CALCA: variants seen among roughly 807,000 people sequenced by gnomAD.
CALCA encodes the protein calcitonin.
Under a neutral mutation model 6.9 loss-of-function variants are expected in CALCA, and 4 were observed. That is an observed-to-expected ratio of 0.58 (90% CI 0.29 to 1.33). The LOEUF is 1.33. Among genes scored for constraint, CALCA ranks in the 40% most tolerant of loss-of-function variants. The pLI, the probability that CALCA is intolerant of heterozygous loss-of-function variation, is 0.09. For synonymous variants in CALCA, 78 were observed against 70.0 expected (o/e 1.11, Z -0.57); for missense variants, 174 against 178.3 (o/e 0.98, Z 0.14).
At chr11:14,971,990 A>G (rs1272860388) in intron 1 of CALCA, among the ~76,000 whole-genome samples, 1 of 152,098 alleles carries the variant, frequency 6.6e-6, no homozygotes, top group Non-Finnish European at 1.5e-5. Flanking sequence ...GAGTGTCCCG[A>G]GACTGGCCTA....
At chr11:14,970,670 C>T (rs919529674) in intron 2 of CALCA, among the ~76,000 whole-genome samples, 26 of 152,086 alleles carry the variant, frequency 1.7e-4, no homozygotes, top group Non-Finnish European at 7.4e-5. Context: ...GAGGCTGAGG[C>T]AGGTGGATCA....
chr11:14,970,072 A>G lies in CALCA; in HGVS notation c.90T>C (p.Ser30=), dbSNP rs528241428. The G allele has an allele frequency of 1.4e-5, 22 of 1,614,216 alleles. No individual in the cohort carries two copies. Among genetic ancestry groups the G allele is most frequent in the Non-Finnish European group, 1.9e-5 (22 of 1,180,026 alleles). ...GGTCTGCTGGGCTGCTCTCCAGGGC[A>G]GACCTGTGGAGGGGAAGCAAACTCA... ...AGSLHAAPFR[S]ALESSPADPA... Residue 30 remains serine (S), a synonymous_variant, in exon 3 of 4, where the codon TCT becomes TCC. Coordinates refer to ENST00000331587, the MANE Select transcript of CALCA (RefSeq NM_001741.3).
chr11:14,968,011 C>G, downstream of CALCA: 1 of 866,442 alleles, frequency 1.2e-6, no homozygotes, highest in Non-Finnish European at 1.8e-6. Flanking sequence ...CAGAAAATCA[C>G]AAGGCCATTA....
chr11:14,967,010 T>A (rs1849471695), downstream of CALCA: 1 of 152,754 alleles, frequency 6.5e-6, no homozygotes, highest in Admixed American at 6.5e-5. Flanking sequence ...GTTTTCAGTA[T>A]CAAGAAGGAT....
Position 14,970,332 on chromosome 11 carries a change from G to A in CALCA, c.87-257C>T, listed in dbSNP as rs898073768. 2.0e-5 allele frequency among the ~76,000 whole-genome samples: 3 copies of A among 152,250 alleles called. No homozygotes were observed. In the South Asian group the frequency reaches 6.2e-4, roughly 31 times the overall value. On this transcript the variant is annotated intron_variant, in intron 2 of 3. Transcript: ENST00000331587. ...AATTTTCAAGAATTTTGCAAGCTGA[G>A]TGCAGCCATTATTAAAAATTAAATG...
At chr11:14,969,131 C>T in intron 3 of CALCA, 134 bp from the exon 4 acceptor site, 1 of 783,234 alleles carries the variant, frequency 1.3e-6, no homozygotes, top group Non-Finnish European at 2.2e-6. Flanking sequence ...ACTTATCTAT[C>T]CTTCATTAGG....
At chr11:14,971,302 T>C in intron 1 of CALCA, 101 bp from the exon 2 acceptor site, 1 of 802,922 alleles carries the variant, frequency 1.2e-6, no homozygotes, top group Non-Finnish European at 2.2e-6. Flanking sequence ...CTTCTAACGC[T>C]CTGGCTTTGT....
intron 3 of CALCA, 96 bp from the exon 4 acceptor site, chr11:14,969,093 G>T: frequency 1.8e-6 from 2 of 1,087,882 alleles, no homozygotes; most frequent in Non-Finnish European, 2.8e-6. Context: ...GACCCTGGGA[G>T]CAGGAGGGGC....
At chr11:14,967,867 A>G, downstream of CALCA, 1 of 1,614,164 alleles carries the variant, frequency 6.2e-7, no homozygotes, top group Non-Finnish European at 8.5e-7. Flanking sequence ...GATTTGCAGG[A>G]TGGAGAAAGA....
At position 14,968,853 on chromosome 11, in the gene CALCA, G is replaced by A. The variant is rs543441811; in HGVS notation, c.372C>T (p.Ser124=). The A allele has an allele frequency of 3.1e-6, 5 of 1,614,016 alleles. No individual in the cohort carries two copies. Among genetic ancestry groups the A allele is most frequent in the Middle Eastern group, 1.6e-4 (1 of 6,082 alleles). ...GAGGGCGATGGTCTCTCTCCAAGTC[G>A]CTGGACATATCCCTTTTCTTTCCAG... ...GAPGKKRDMS[S]DLERDHRPHV... is the part of the protein sequence containing the mutation. The change falls in exon 4 of 4, where the codon AGC becomes AGT. Residue 124 remains serine, a synonymous_variant. Transcript: ENST00000331587.
Position 14,971,565 on chromosome 11 carries a change from A to G in CALCA, c.-9-364T>C, listed in dbSNP as rs564582483. ...CCCCTGTCACAGAAGCTGATCCCAT[A>G]AGGAAACCCAGAGCTGTCCTCCTCT... is the stretch of plus-strand genomic sequence containing the variant. On this transcript the variant is annotated intron_variant, in intron 1 of 3. Transcript: ENST00000331587. 3.9e-5 allele frequency among the ~76,000 whole-genome samples: 6 copies of G among 152,194 alleles called. 1 individual carries two copies. Among genetic ancestry groups the G allele is most frequent in the African/African-American group, 1.4e-4 (6 of 41,520 alleles).
Position 14,970,036 on chromosome 11 carries a change from G to A in CALCA, c.126C>T (p.Leu42=). 1 of 1,614,228 alleles carries A rather than the reference G, an allele frequency of 6.2e-7. No homozygotes were observed. The highest frequency in any genetic ancestry group is 2.2e-5 in the East Asian group (1 of 44,878). The part of the protein sequence containing the change: ...LESSPADPAT[L]SEDEARLLLA... ...GCAGGAGGCGCGCTTCGTCCTCACT[G>A]AGCGTGGCCGGGTCTGCTGGGCTGC... is the stretch of plus-strand genomic sequence containing the variant. Residue 42 remains leucine (L), a synonymous_variant, in exon 3 of 4, where the codon CTC becomes CTT. Coordinates refer to ENST00000331587, the MANE Select transcript of CALCA (RefSeq NM_001741.3).
downstream of CALCA, chr11:14,966,920 T>A (rs1682088333): frequency 6.6e-6 from 1 of 152,622 alleles, no homozygotes; most frequent in African/African-American, 2.4e-5. Flanking sequence ...CATAATCAAG[T>A]ATTTAAAAAG....
At position 14,968,767 on chromosome 11, in the gene CALCA, A is replaced by G. The variant is rs2644688; in HGVS notation, c.*32T>C. 3.7e-6 allele frequency: 6 copies of G among 1,613,874 alleles called. No homozygotes were observed. Among genetic ancestry groups the G allele is most frequent in the Non-Finnish European group, 5.1e-6 (6 of 1,179,896 alleles). ...ATGCATCAAGTTATAGGAAGGATGC[A>G]AGAAGGGAAATTAGGAAGGAAAGGG... is the stretch of plus-strand genomic sequence containing the variant. On this transcript the variant is annotated 3_prime_UTR_variant, in exon 4 of 4. Coordinates refer to ENST00000331587, the MANE Select transcript of CALCA (RefSeq NM_001741.3).
intron 3 of CALCA, 30 bp downstream of exon 3, chr11:14,969,905 G>A: frequency 1.2e-6 from 2 of 1,612,210 alleles, no homozygotes; most frequent in African/African-American, 1.3e-5. Context: ...GGGAGAGGAG[G>A]CCCTGTGCTG....
At chr11:14,968,040 C>T (rs1354985276), downstream of CALCA, 2 of 712,836 alleles carry the variant, frequency 2.8e-6, no homozygotes, top group Non-Finnish European at 4.8e-6. Context: ...GCCATGATCA[C>T]TCCCCATAGA....
Position 14,968,591 on chromosome 11 carries a change from C to G in CALCA, c.*208G>C. The G allele has an allele frequency of 6.8e-7, 1 of 1,466,446 alleles. No individual in the cohort carries two copies. The highest frequency in any genetic ancestry group is 1.4e-5 in the South Asian group (1 of 72,914). 90.8% of individuals were successfully genotyped at this position (1,466,446 alleles called of 1,614,324 possible). On this transcript the variant is annotated 3_prime_UTR_variant, in exon 4 of 4. Transcript: ENST00000331587. ...GATGACATCTCTGGGGGACTCAAAG[C>G]GGCCCTCATTTTCTGGTATTTTCCC...
At chr11:14,969,512 C>T (rs1849539531) in intron 3 of CALCA, among the ~76,000 whole-genome samples, 2 of 152,072 alleles carry the variant, frequency 1.3e-5, no homozygotes, top group Admixed American at 1.3e-4. Context: ...AATGAAAGCT[C>T]CTTGCAGGTG....
chr11:14,971,068 G>T, intron 2 of CALCA, 39 bp downstream of exon 2: 1 of 1,546,726 alleles, frequency 6.5e-7, no homozygotes, highest in Non-Finnish European at 8.9e-7. Flanking sequence ...GCATGGAATT[G>T]TCTGATACCA....
Sources: gnomAD v4.1 joint callset for allele counts (sites outside exome capture counted in the v4.1 genomes callset) on GRCh38, gnomAD v4.1.1 for gene constraint, MANE v1.5 for transcripts, NCBI Gene and HGNC (gene_info 2026-07-23, HGNC 2026-07-21) for gene names.